Variants in ZNF354B observed in about 807,000 individuals in gnomAD.
The protein encoded by ZNF354B is zinc finger protein 354B.
In ZNF354B, 10 loss-of-function variants were observed where a neutral mutation model predicts 12.9. The ratio of observed to expected loss-of-function variants is 0.77; its 90% CI spans 0.48 to 1.31. The LOEUF is 1.31. ZNF354B is among the 40% of genes most tolerant of loss of function. The probability of loss-of-function intolerance (pLI) is 0.00; values close to 1 mark genes in which losing one functional copy is unlikely to be tolerated. For missense variants in ZNF354B, 614 were observed against 711.7 expected (o/e 0.86, Z 1.56); for synonymous variants, 260 against 243.7 (o/e 1.07, Z -0.62).
In ZNF354B at chr5:178,884,901, A is replaced by G. The variant is rs1299216013; in HGVS notation, c.*610A>G. ...CCTGAAATATATATATATATGCAGT[A>G]TTAGAGCAAAGGACCAATAAGAGAT... On this transcript the variant is annotated 3_prime_UTR_variant, in exon 5 of 5. Coordinates refer to ENST00000322434, the MANE Select transcript of ZNF354B (RefSeq NM_058230.3). 1 of 152,192 alleles carries G rather than the reference A, an allele frequency of 6.6e-6. No individual in the cohort carries two copies. The highest frequency in any genetic ancestry group is 1.5e-5 in the Non-Finnish European group (1 of 68,036). The allele number at this position is 152,192 out of a possible 1,614,324, so 9.4% of individuals were successfully genotyped here. A position where few individuals can be genotyped will look rare whatever the true frequency, so the allele number is the denominator to read the frequency against.
rs143278265 is a variant in ZNF354B, at chr5:178,883,889, C to A, written c.1437C>A (p.Ser479=). ...KVCGKAFRQS[S]ALIQHQRMHT... is the part of the protein sequence containing the mutation. ...GTGGAAAAGCCTTCAGACAGAGTTC[C>A]GCTCTCATTCAACATCAGAGAATGC... The change falls in exon 5 of 5, where the codon TCC becomes TCA. Residue 479 remains serine (S), a synonymous_variant. Coordinates refer to ENST00000322434, the MANE Select transcript of ZNF354B (RefSeq NM_058230.3). 8.1e-4 allele frequency: 1,305 copies of A among 1,613,980 alleles called. 1 individual carries two copies. Among genetic ancestry groups the A allele is most frequent in the Admixed American group, 1.6e-3 (97 of 60,002 alleles).
Position 178,878,106 on chromosome 5 carries a change from G to A in ZNF354B, c.257-4603G>A, listed in dbSNP as rs148929363. 0.011 allele frequency among the ~76,000 whole-genome samples: 1,632 copies of A among 152,212 alleles called. 62 individuals carry two copies. The East Asian group carries it at 0.13, about 12-fold the overall frequency. ...CTTGCATAAAAGTCACAGTTAGGCC[G>A]GGCGTGGTGGCTCACGCCTGTAATC... On this transcript the variant is annotated intron_variant, in intron 4 of 4. Coordinates refer to ENST00000322434, the MANE Select transcript of ZNF354B (RefSeq NM_058230.3).
At chr5:178,862,844 G>A (rs1039835726) in intron 2 of ZNF354B, among the ~76,000 whole-genome samples, 1 of 152,202 alleles carries the variant, frequency 6.6e-6, no homozygotes, top group Non-Finnish European at 1.5e-5. Context: ...GTGAGTCTCT[G>A]TGGCATCCTT....
Position 178,884,648 on chromosome 5 carries a change from G to A in ZNF354B, c.*357G>A, listed in dbSNP as rs181623642. On this transcript the variant is annotated 3_prime_UTR_variant, in exon 5 of 5. Coordinates refer to ENST00000322434, the MANE Select transcript of ZNF354B (RefSeq NM_058230.3). ...ATAAACTACTATTATATAAATATAA[G>A]CATATTTATTACAGCAAACATTTTA... 499 of 162,534 alleles carry A rather than the reference G, an allele frequency of 3.1e-3. 2 individuals carry two copies. The highest frequency in any genetic ancestry group is 0.011 in the African/African-American group (476 of 41,868). The allele number at this position is 162,534 out of a possible 1,614,324, so 10.1% of individuals were successfully genotyped here. A position where few individuals can be genotyped will look rare whatever the true frequency, so the allele number is the denominator to read the frequency against.
chr5:178,884,174 A>C lies in ZNF354B; in HGVS notation c.1722A>C (p.Gly574=). The C allele has an allele frequency of 6.2e-7, 1 of 1,614,062 alleles. No individual in the cohort carries two copies. Among genetic ancestry groups the C allele is most frequent in the Non-Finnish European group, 8.5e-7 (1 of 1,179,944 alleles). ...SLIAHQRIHT[G]EKPYECNACG... ...TTGCACATCAAAGAATTCATACTGGAGAGAAACCCTATGAATGTAATGCAT... is the reference window on the plus strand; with the variant it reads ...TTGCACATCAAAGAATTCATACTGGCGAGAAACCCTATGAATGTAATGCAT... The change falls in exon 5 of 5, where the codon GGA becomes GGC. Residue 574 remains glycine (G), a synonymous_variant. Transcript: ENST00000322434.
In ZNF354B at chr5:178,876,275, C is replaced by T. The variant is rs75277017; in HGVS notation, c.257-6434C>T. 1.2e-3 allele frequency among the ~76,000 whole-genome samples: 179 copies of T among 152,316 alleles called. 3 individuals carry two copies. In the East Asian group the frequency reaches 0.03, roughly 26 times the overall value. ...GTGAGGAGAAGTGGAAATGGGGACC[C>T]GTGTGGGGAACAGTCTGGCCGCGTT... On this transcript the variant is annotated intron_variant, in intron 4 of 4. Transcript: ENST00000322434.
intron 4 of ZNF354B, among the ~76,000 whole-genome samples, chr5:178,874,369 G>A (rs1052913167): frequency 6.6e-6 from 1 of 152,180 alleles, no homozygotes; most frequent in African/African-American, 2.4e-5. Flanking sequence ...ACTTCTTTCA[G>A]GGATGGCAAT....
chr5:178,863,941 T>A (rs886126941), intron 2 of ZNF354B, among the ~76,000 whole-genome samples: 4 of 152,222 alleles, frequency 2.6e-5, no homozygotes, highest in Non-Finnish European at 5.9e-5. Flanking sequence ...AGAAAATATT[T>A]TTGTACAGCT....
chr5:178,882,179 G>A (rs1338888836), intron 4 of ZNF354B, among the ~76,000 whole-genome samples: 1 of 152,108 alleles, frequency 6.6e-6, no homozygotes, highest in Non-Finnish European at 1.5e-5. Context: ...CATTTTCTCA[G>A]CATCTCTAGA....
At chr5:178,882,469 TCTG>T (rs1271622786) in intron 4 of ZNF354B, among the ~76,000 whole-genome samples, 1 of 152,218 alleles carries the variant, frequency 6.6e-6, no homozygotes, top group African/African-American at 2.4e-5. Context: ...CTCTGATCCT[TCTG>T]CTCCATTCTC....
chr5:178,863,865 TA>T (rs1757402765), intron 2 of ZNF354B, among the ~76,000 whole-genome samples: 1 of 152,130 alleles, frequency 6.6e-6, no homozygotes, highest in South Asian at 2.1e-4. Flanking sequence ...AAAAAATTTT[TA>T]AAGTAAAAAT....
chr5:178,872,246 C>T (rs374460183), intron 4 of ZNF354B, among the ~76,000 whole-genome samples: 9 of 148,502 alleles, frequency 6.1e-5, no homozygotes, highest in Non-Finnish European at 1.0e-4. Context: ...ATGTGTACAA[C>T]GTTATGGGAT....
intron 2 of ZNF354B, among the ~76,000 whole-genome samples, chr5:178,862,794 C>T (rs1313306805): frequency 1.3e-5 from 2 of 152,238 alleles, no homozygotes; most frequent in African/African-American, 4.8e-5. Context: ...CAGAGCCAAG[C>T]TGCTCTCCTG....
At chr5:178,870,049 C>T (rs1309503511) in intron 4 of ZNF354B, among the ~76,000 whole-genome samples, 3 of 151,580 alleles carry the variant, frequency 2.0e-5, no homozygotes, top group Non-Finnish European at 4.4e-5. Flanking sequence ...AGGTGGGTCA[C>T]GCCTGTGATT....
Position 178,884,140 on chromosome 5 carries a change from C to T in ZNF354B, c.1688C>T (p.Ser563Leu). The change falls in exon 5 of 5, where the codon TCA (serine) becomes TTA (leucine). Residue 563 changes from serine to leucine, a missense_variant. Coordinates refer to ENST00000322434, the MANE Select transcript of ZNF354B (RefSeq NM_058230.3). Reference protein sequence around the residue: ...NTCGKTFRQSSSLIAHQRIHT... With the variant: ...NTCGKTFRQSLSLIAHQRIHT... ...TGTGGAAAAACTTTTAGACAAAGCT[C>T]ATCACTTATTGCACATCAAAGAATT... 6.2e-7 allele frequency: 1 copy of T among 1,614,004 alleles called. No homozygotes were observed. Among genetic ancestry groups the T allele is most frequent in the Non-Finnish European group, 8.5e-7 (1 of 1,179,960 alleles).
In ZNF354B at chr5:178,882,722, A is replaced by C; in HGVS notation, c.270A>C (p.Thr90=). The change falls in exon 5 of 5, where the codon ACA becomes ACC. Residue 90 remains threonine, a synonymous_variant. Coordinates refer to ENST00000322434, the MANE Select transcript of ZNF354B (RefSeq NM_058230.3). The part of the protein sequence containing the change: ...SGVSSLGCKS[T]PKMTKSTQTQ... Reference sequence around the variant, plus strand: ...TTCTTTTTTCAGGATGTAAGAGCACACCTAAAATGACAAAGTCAACTCAAA... The same window carrying C: ...TTCTTTTTTCAGGATGTAAGAGCACCCCTAAAATGACAAAGTCAACTCAAA... 6.4e-7 allele frequency: 1 copy of C among 1,564,840 alleles called. No individual in the cohort carries two copies. The highest frequency in any genetic ancestry group is 8.6e-7 in the Non-Finnish European group (1 of 1,165,560).
In ZNF354B at chr5:178,883,646, T is replaced by A. The variant is rs200345207; in HGVS notation, c.1194T>A (p.Ile398=). ...GRAFSQSASL[I]QHERIHTGEK... is the part of the protein sequence containing the mutation. ...CCTTCAGCCAGAGTGCCTCTCTTATTCAACATGAAAGAATTCACACCGGAG... is the reference window on the plus strand; with the variant it reads ...CCTTCAGCCAGAGTGCCTCTCTTATACAACATGAAAGAATTCACACCGGAG... The change falls in exon 5 of 5, where the codon ATT becomes ATA. Residue 398 remains isoleucine, a synonymous_variant. Coordinates refer to ENST00000322434, the MANE Select transcript of ZNF354B (RefSeq NM_058230.3). 3.0e-4 allele frequency: 485 copies of A among 1,613,838 alleles called. No individual in the cohort carries two copies. The highest frequency in any genetic ancestry group is 3.8e-4 in the Non-Finnish European group (450 of 1,179,878).
chr5:178,874,148 C>T (rs146581587), intron 4 of ZNF354B, among the ~76,000 whole-genome samples: 3 of 152,088 alleles, frequency 2.0e-5, no homozygotes, highest in Admixed American at 6.5e-5. Flanking sequence ...GCAGAAACAG[C>T]GTTTCACCAT....
Position 178,883,494 on chromosome 5 carries a change from C to T in ZNF354B, c.1042C>T (p.His348Tyr), listed in dbSNP as rs766388971. The stretch of plus-strand genomic sequence containing the variant: ...TTCCCTTTCTGGAAGTCAGAAAATT[C>T]ATCTCAGAAAGAAGTCCTACTTATG... ...STSLSGSQKI[H>Y]LRKKSYLCNE... Residue 348 changes from histidine to tyrosine, a missense_variant, in exon 5 of 5, where the codon CAT (histidine) becomes TAT (tyrosine). By Grantham distance (83) the His-to-Tyr change is moderately conservative (BLOSUM62 2). Coordinates refer to ENST00000322434, the MANE Select transcript of ZNF354B (RefSeq NM_058230.3). The T allele has an allele frequency of 1.9e-6, 3 of 1,614,120 alleles. No individual in the cohort carries two copies. In the East Asian group the frequency reaches 6.7e-5, roughly 36 times the overall value.
Sources: allele counts gnomAD v4.1 joint callset (sites outside exome capture counted in the v4.1 genomes callset), GRCh38; gene constraint gnomAD v4.1.1; transcripts MANE v1.5; gene names NCBI Gene and HGNC (gene_info 2026-07-23, HGNC 2026-07-21).